The following PCDHA8 variants were observed in gnomAD, a reference collection of about 807,000 sequenced individuals.
The protein encoded by PCDHA8 is protocadherin alpha-8.
Under a neutral mutation model 61.8 loss-of-function variants are expected in PCDHA8, and 53 were observed. The ratio of observed to expected loss-of-function variants is 0.86; its 90% confidence interval spans 0.69 to 1.08. PCDHA8 has a LOEUF of 1.08. Among genes scored for constraint, PCDHA8 ranks in the 50% least tolerant of loss-of-function variants. PCDHA8 has a pLI of 0.00. For synonymous variants in PCDHA8, 618 were observed against 556.6 expected (o/e 1.11, Z -1.55); for missense variants, 1,293 against 1,245.0 (o/e 1.04, Z -0.58).
Position 140,841,618 on chromosome 5 carries a change from C to T in PCDHA8, c.297C>T (p.Ser99=), listed in dbSNP as rs782778902. ...RIDREELCGR[S]AECSIHLEVI... Reference sequence around the variant, plus strand: ...ACCGCGAGGAGCTGTGCGGGCGGAGCGCGGAGTGCAGCATCCACCTGGAGG... The same window carrying T: ...ACCGCGAGGAGCTGTGCGGGCGGAGTGCGGAGTGCAGCATCCACCTGGAGG... The change falls in exon 1 of 4, where the codon AGC becomes AGT. Residue 99 remains serine (S), a synonymous_variant. Coordinates refer to ENST00000531613, the MANE Select transcript of PCDHA8 (RefSeq NM_018911.3). 1 of 1,614,014 alleles carries T rather than the reference C, an allele frequency of 6.2e-7. No individual in the cohort carries two copies. Among genetic ancestry groups the T allele is most frequent in the South Asian group, 1.1e-5 (1 of 91,088 alleles).
intron 1 of PCDHA8, among the ~76,000 whole-genome samples, chr5:140,900,977 C>T (rs1223245503): frequency 2.0e-5 from 3 of 152,112 alleles, no homozygotes; most frequent in South Asian, 2.1e-4. Flanking sequence ...AGTATCTTTT[C>T]CTATACCTGT....
intron 1 of PCDHA8, among the ~76,000 whole-genome samples, chr5:140,956,852 G>T (rs931766503): frequency 3.3e-5 from 5 of 152,060 alleles, no homozygotes; most frequent in African/African-American, 1.2e-4. Context: ...TGGGTTAAAT[G>T]GTTGAATGAA....
chr5:140,968,057 C>G, intron 1 of PCDHA8: 1 of 1,614,110 alleles, frequency 6.2e-7, no homozygotes, highest in African/African-American at 1.3e-5. Flanking sequence ...GGACCGAGAG[C>G]GGGTGGCTGT....
At chr5:140,928,800 A>G (rs782641676) in intron 1 of PCDHA8, 6 of 1,614,098 alleles carry the variant, frequency 3.7e-6, no homozygotes, top group Non-Finnish European at 4.2e-6. Flanking sequence ...GGGTGGTGGT[A>G]GTGGTTCGGG....
intron 1 of PCDHA8, among the ~76,000 whole-genome samples, chr5:140,971,359 G>T (rs537725732): frequency 6.6e-5 from 10 of 152,312 alleles, no homozygotes; most frequent in Admixed American, 3.3e-4. Flanking sequence ...GGGAGATTTT[G>T]CCAGGAGAGT....
intron 1 of PCDHA8, chr5:140,869,485 G>A: frequency 6.2e-7 from 1 of 1,614,158 alleles, no homozygotes; most frequent in Non-Finnish European, 8.5e-7. Context: ...GGACATTAAC[G>A]ACAACCCGCC....
intron 1 of PCDHA8, among the ~76,000 whole-genome samples, chr5:140,911,205 A>G (rs1554194650): frequency 6.6e-6 from 1 of 152,162 alleles, no homozygotes; most frequent in African/African-American, 2.4e-5. Flanking sequence ...TGTTGCCACT[A>G]CTGGGGATGA....
chr5:140,850,213 C>G (rs2041430498), intron 1 of PCDHA8: 1 of 1,593,510 alleles, frequency 6.3e-7, no homozygotes, highest in Admixed American at 1.7e-5. Flanking sequence ...ATGAGGGGCA[C>G]TGACGGCGCA....
intron 1 of PCDHA8, chr5:140,966,981 TG>T (rs2096079365): frequency 1.2e-6 from 2 of 1,603,254 alleles, no homozygotes; most frequent in African/African-American, 2.7e-5. Flanking sequence ...CTGCGGCGCT[TG>T]GGGCCGGGTT....
chr5:140,858,275 G>C (rs2045316714), intron 1 of PCDHA8: 2 of 1,597,458 alleles, frequency 1.3e-6, no homozygotes, highest in African/African-American at 1.3e-5. Context: ...CTCTAGCGCG[G>C]TGGGGAGCTG....
At chr5:140,862,216 T>C in intron 1 of PCDHA8, 1 of 205,622 alleles carries the variant, frequency 4.9e-6, no homozygotes, top group Non-Finnish European at 9.9e-6. Flanking sequence ...TGCACAGACT[T>C]GATAGAAGTC....
At position 140,854,083 on chromosome 5, in the gene PCDHA8, G is replaced by T. The variant is rs545797216; in HGVS notation, c.2394+10368G>T. 8.5e-5 allele frequency: 23 copies of T among 269,910 alleles called. No individual in the cohort carries two copies. The East Asian group carries it at 3.2e-3, about 37-fold the overall frequency. The allele number at this position is 269,910 out of a possible 1,614,324, so 16.7% of individuals were successfully genotyped here. ...AGGCTGAGGCGAGAGAATCGCTTGA[G>T]CCTGGGACATTGAGGCTGCAGTGAA... On this transcript the variant is annotated intron_variant, in intron 1 of 3. Transcript: ENST00000531613.
At chr5:140,939,351 T>C (rs918440257) in intron 1 of PCDHA8, among the ~76,000 whole-genome samples, 2 of 152,140 alleles carry the variant, frequency 1.3e-5, no homozygotes, top group Non-Finnish European at 1.5e-5. Flanking sequence ...TTTCAACTTA[T>C]GATTGCAAAG....
intron 1 of PCDHA8, among the ~76,000 whole-genome samples, chr5:140,904,764 A>G (rs1354356510): frequency 2.0e-5 from 3 of 152,240 alleles, no homozygotes; most frequent in African/African-American, 4.8e-5. Context: ...CAAGAATAAG[A>G]TGGTATCACA....
chr5:140,894,253 T>C (rs1554186000), intron 1 of PCDHA8, among the ~76,000 whole-genome samples: 1 of 152,112 alleles, frequency 6.6e-6, no homozygotes, highest in Non-Finnish European at 1.5e-5. Context: ...TTCTTTTCTT[T>C]ACAAGTGGTA....
At chr5:140,848,916 T>C (rs1389389482) in intron 1 of PCDHA8, 1 of 1,607,882 alleles carries the variant, frequency 6.2e-7, no homozygotes, top group South Asian at 1.1e-5. Context: ...AAAGAATCTG[T>C]TCATCGCGGA....
chr5:140,869,972 A>T (rs782424515), intron 1 of PCDHA8: 14 of 1,613,080 alleles, frequency 8.7e-6, no homozygotes. Context: ...AATGGAAGAC[A>T]CTTATTTACA....
intron 1 of PCDHA8, chr5:140,927,156 G>A (rs1261418178): frequency 6.2e-7 from 1 of 1,614,016 alleles, no homozygotes; most frequent in African/African-American, 1.3e-5. Flanking sequence ...AGCTGTGCAG[G>A]GCCAAAGCTG....
At chr5:140,972,514 A>G (rs2096539827) in intron 1 of PCDHA8, among the ~76,000 whole-genome samples, 1 of 152,260 alleles carries the variant, frequency 6.6e-6, no homozygotes, top group Admixed American at 6.5e-5. Context: ...TTTTACCCCC[A>G]GTGAGCTTAT....
Sources: allele counts gnomAD v4.1 joint callset (sites outside exome capture counted in the v4.1 genomes callset), GRCh38; gene constraint gnomAD v4.1.1; transcripts MANE v1.5; gene names NCBI Gene and HGNC (gene_info 2026-07-23, HGNC 2026-07-21).